The following SEPTIN14 variants were observed in gnomAD, a reference collection of about 807,000 sequenced individuals.
The protein encoded by SEPTIN14 is septin 14, also known as septin-14.
Under a neutral mutation model 53.6 loss-of-function variants are expected in SEPTIN14, and 40 were observed. The observed-to-expected ratio is 0.75, with a 90% CI of 0.58 to 0.97. SEPTIN14 has a LOEUF of 0.97. Ranked by LOEUF, SEPTIN14 falls within the 50% of genes least tolerant of loss-of-function variation. The pLI is 0.00. For synonymous variants in SEPTIN14, 138 were observed against 166.8 expected (o/e 0.83, Z 1.33); for missense variants, 471 against 508.2 (o/e 0.93, Z 0.70).
chr7:55,854,738 G>T (rs950813209), intron 2 of SEPTIN14, among the ~76,000 whole-genome samples: 3 of 152,030 alleles, frequency 2.0e-5, no homozygotes, highest in Non-Finnish European at 4.4e-5. Context: ...TGTACTGGAG[G>T]TTCTTACCAG....
At chr7:55,854,407 T>C (rs1789571641) in intron 2 of SEPTIN14, among the ~76,000 whole-genome samples, 1 of 152,094 alleles carries the variant, frequency 6.6e-6, no homozygotes, top group South Asian at 2.1e-4. Context: ...ATGTCAGCTG[T>C]TGCCATTTTA....
At chr7:55,849,739 C>T (rs187204558) in intron 2 of SEPTIN14, among the ~76,000 whole-genome samples, 64 of 152,040 alleles carry the variant, frequency 4.2e-4, no homozygotes, top group Non-Finnish European at 7.8e-4. Context: ...GAGCAAGACT[C>T]CATCTCAAAA....
chr7:55,803,893 G>A (rs916598281), intron 9 of SEPTIN14, among the ~76,000 whole-genome samples: 3 of 151,446 alleles, frequency 2.0e-5, no homozygotes, highest in African/African-American at 4.8e-5. Flanking sequence ...GGGAGGCCGA[G>A]GCAGGCGGAT....
chr7:55,844,518 C>A lies in SEPTIN14; in HGVS notation c.371+5G>T. ...CTTTTTTAATTTAAATAAGAAAACA[C>A]TCACCTGGCTTCTTTGTCTATTTGA... On this transcript the variant is annotated splice_donor_5th_base_variant and intron_variant, in intron 4 of 9. Transcript: ENST00000388975. 1 of 1,427,066 alleles carries A rather than the reference C, an allele frequency of 7.0e-7. No individual in the cohort carries two copies. Among genetic ancestry groups the A allele is most frequent in the Non-Finnish European group, 9.3e-7 (1 of 1,069,926 alleles). The allele number at this position is 1,427,066 out of a possible 1,614,324, so 88.4% of individuals were successfully genotyped here.
intron 2 of SEPTIN14, among the ~76,000 whole-genome samples, chr7:55,848,299 C>T (rs1789451467): frequency 6.6e-6 from 1 of 152,056 alleles, no homozygotes; most frequent in Non-Finnish European, 1.5e-5. Context: ...AAAGCTGGGA[C>T]TACATGCATG....
chr7:55,823,020 A>C (rs1352847519), intron 6 of SEPTIN14, among the ~76,000 whole-genome samples: 1 of 152,200 alleles, frequency 6.6e-6, no homozygotes, highest in East Asian at 1.9e-4. Flanking sequence ...TGCCACTGAT[A>C]GTGGCAGGAG....
intron 6 of SEPTIN14, among the ~76,000 whole-genome samples, chr7:55,830,229 T>C (rs2116021103): frequency 6.7e-6 from 1 of 149,536 alleles, no homozygotes; most frequent in South Asian, 2.1e-4. Flanking sequence ...ACTCATTCCT[T>C]ACATGTAGGC....
Position 55,843,143 on chromosome 7 carries a change from A to T in SEPTIN14, c.372-15T>A, listed in dbSNP as rs1213832358. 6.6e-7 allele frequency: 1 copy of T among 1,513,364 alleles called. No homozygotes were observed. The highest frequency in any genetic ancestry group is 8.9e-7 in the Non-Finnish European group (1 of 1,124,914). 93.7% of individuals were successfully genotyped at this position (1,513,364 alleles called of 1,614,324 possible). A position where few individuals can be genotyped will look rare whatever the true frequency, so the allele number is the denominator to read the frequency against. Reference sequence around the variant, plus strand: ...TTGGTTGGTAGCTAAAAAAAAATTTATACATTTAGCATAACAGACTAATAA... The same window carrying T: ...TTGGTTGGTAGCTAAAAAAAAATTTTTACATTTAGCATAACAGACTAATAA... On this transcript the variant is annotated splice_polypyrimidine_tract_variant and intron_variant, in intron 4 of 9. Coordinates refer to ENST00000388975, the MANE Select transcript of SEPTIN14 (RefSeq NM_207366.3).
chr7:55,848,543 T>C (rs1348098689), intron 2 of SEPTIN14, among the ~76,000 whole-genome samples: 1 of 151,750 alleles, frequency 6.6e-6, no homozygotes, highest in African/African-American at 2.4e-5. Flanking sequence ...ACAATCCTCC[T>C]GCCTTAGCCT....
At chr7:55,850,288 T>C (rs917070989) in intron 2 of SEPTIN14, among the ~76,000 whole-genome samples, 12 of 151,992 alleles carry the variant, frequency 7.9e-5, no homozygotes, top group South Asian at 2.1e-4. Flanking sequence ...CTGACCAACA[T>C]GGTGAAACTC....
intron 9 of SEPTIN14, among the ~76,000 whole-genome samples, chr7:55,803,773 G>A (rs1381405874): frequency 6.6e-6 from 1 of 152,040 alleles, no homozygotes; most frequent in Non-Finnish European, 1.5e-5. Context: ...TGAGGTGGGA[G>A]AGAAAGAGAA....
chr7:55,816,800 A>G (rs1401040516), intron 7 of SEPTIN14, among the ~76,000 whole-genome samples: 1 of 151,670 alleles, frequency 6.6e-6, no homozygotes, highest in East Asian at 1.9e-4. Flanking sequence ...CTCCATCTCA[A>G]AAAAAAAATT....
chr7:55,832,202 AAC>A (rs112349116), intron 6 of SEPTIN14, among the ~76,000 whole-genome samples: 27,695 of 144,794 alleles, frequency 0.19, 2,550 homozygotes, highest in Non-Finnish European at 0.24. Flanking sequence ...CTCTGTCTCA[AAC>A]ACACACACAC....
chr7:55,804,036 T>G (rs1384827871), intron 9 of SEPTIN14, among the ~76,000 whole-genome samples: 1 of 138,532 alleles, frequency 7.2e-6, no homozygotes, highest in African/African-American at 2.7e-5. Context: ...CTCGGGAGGC[T>G]GGGGCAGGAG....
intron 6 of SEPTIN14, among the ~76,000 whole-genome samples, chr7:55,825,322 T>C (rs1323861720): frequency 6.6e-6 from 1 of 152,150 alleles, no homozygotes; most frequent in East Asian, 1.9e-4. Flanking sequence ...AGATCAATAG[T>C]TGCCAAGGGT....
intron 9 of SEPTIN14, among the ~76,000 whole-genome samples, chr7:55,804,410 C>T (rs1213829398): frequency 1.3e-5 from 2 of 151,760 alleles, no homozygotes; most frequent in Non-Finnish European, 2.9e-5. Context: ...AGGCATGCAG[C>T]ACCATGCCCA....
chr7:55,841,679 A>C (rs1169085235), intron 5 of SEPTIN14, among the ~76,000 whole-genome samples: 1 of 152,028 alleles, frequency 6.6e-6, no homozygotes, highest in African/African-American at 2.4e-5. Context: ...AACATGGAGA[A>C]ACCCCATCTC....
intron 5 of SEPTIN14, 86 bp from the exon 6 acceptor site, chr7:55,834,672 T>TCAAAA: frequency 1.8e-6 from 2 of 1,109,864 alleles, no homozygotes; most frequent in African/African-American, 1.6e-5. Context: ...AGACGGAGTC[T>TCAAAA]CGCTTTGTCG....
rs192558597 is a variant in SEPTIN14 at position 55,844,457 on chromosome 7, T to C, written c.371+66A>G. The C allele has an allele frequency of 1.5e-4, 124 of 819,900 alleles. No homozygotes were observed. The East Asian group carries it at 3.1e-3, about 21-fold the overall frequency. 50.8% of individuals were successfully genotyped at this position (819,900 alleles called of 1,614,324 possible). ...GGTATTACTTACACAAATTAGTCTA[T>C]GGCAAAGGAAGTCAAATTCCTTGAA... On this transcript the variant is annotated intron_variant, in intron 4 of 9. Transcript: ENST00000388975.
Sources: allele counts gnomAD v4.1 joint callset (sites outside exome capture counted in the v4.1 genomes callset), GRCh38; gene constraint gnomAD v4.1.1; transcripts MANE v1.5; gene names NCBI Gene and HGNC (gene_info 2026-07-23, HGNC 2026-07-21).